The following FAM210B variants were observed in gnomAD, a reference collection of about 807,000 sequenced individuals.
The protein encoded by FAM210B is mitochondrial inner membrane scaffold 2, also known as family with sequence similarity 210 member B.
Under a neutral mutation model 14.9 loss-of-function variants are expected in FAM210B, and 11 were observed. That is an observed-to-expected ratio of 0.74 (90% CI 0.46 to 1.22). The LOEUF (loss-of-function observed/expected upper bound fraction) is 1.22, where lower values mean the gene tolerates loss of function less well. FAM210B is among the 50% of genes most tolerant of loss of function. The probability of loss-of-function intolerance (pLI) is 0.00; values close to 1 mark genes in which losing one functional copy is unlikely to be tolerated. For missense variants in FAM210B, 229 were observed against 250.1 expected, an observed-to-expected ratio of 0.92 and a Z score of 0.57; for synonymous variants, 113 against 110.2, an observed-to-expected ratio of 1.03 and a Z score of -0.16.
In FAM210B at chr20:56,366,372, G is replaced by C. The variant is rs139966147; in HGVS notation, c.*85G>C. 828 of 1,374,144 alleles carry C rather than the reference G, an allele frequency of 6.0e-4. 6 individuals are homozygous for C. In the African/African-American group the frequency reaches 0.01, roughly 17 times the overall value. The allele number at this position is 1,374,144 out of a possible 1,614,324, so 85.1% of individuals were successfully genotyped here. ...GGTTTTAGGGTTTTAGGGTTGTAGG[G>C]TTTCTTTTGGAGAGGTAGGGGGCTA... On this transcript the variant is annotated 3_prime_UTR_variant, in exon 3 of 3. Transcript: ENST00000371384.
chr20:56,364,092 T>C (rs929746393), intron 1 of FAM210B, among the ~76,000 whole-genome samples: 1 of 152,214 alleles, frequency 6.6e-6, no homozygotes, highest in African/African-American at 2.4e-5. Flanking sequence ...TAAAGGATCA[T>C]TGTCCCCAAG....
At position 56,366,255 on chromosome 20, in the gene FAM210B, G is replaced by C; in HGVS notation, c.547G>C (p.Gly183Arg). The C allele has an allele frequency of 7.4e-6, 12 of 1,614,026 alleles. No individual in the cohort carries two copies. In the South Asian group the frequency reaches 1.3e-4, roughly 18 times the overall value. ...GATTGTCAGATATTTTCGAAAAGTGGGATTTTTTAAACCTCCAGCTGCAAA... is the reference window on the plus strand; with the variant it reads ...GATTGTCAGATATTTTCGAAAAGTGCGATTTTTTAAACCTCCAGCTGCAAA... Reference protein sequence around the residue: ...PLIVRYFRKVGFFKPPAAKP With the variant: ...PLIVRYFRKVRFFKPPAAKP The change falls in exon 3 of 3, where the codon GGA becomes CGA. Residue 183 changes from glycine (G) to arginine (R), a missense_variant. Coordinates refer to ENST00000371384, the MANE Select transcript of FAM210B (RefSeq NM_080821.3).
intron 2 of FAM210B, 34 bp from the exon 3 acceptor site, chr20:56,366,035 CTG>C: frequency 6.7e-7 from 1 of 1,485,820 alleles, no homozygotes; most frequent in Non-Finnish European, 9.4e-7. Context: ...TAATCCCTTG[CTG>C]TAATAATTGT....
rs1222185757 is a variant in FAM210B at position 56,366,138 on chromosome 20, G to GC, written c.431dup (p.Ala145SerfsTer42). ...AGAGTCCCTGGTACAGTCAAAAATG[G>GC]CAGCAGGCACAAGTACCTTCGTGGT... On this transcript the variant is annotated frameshift_variant, in exon 3 of 3. Transcript: ENST00000371384. LOFTEE classifies it high-confidence loss of function. 6.2e-7 allele frequency: 1 copy of GC among 1,614,050 alleles called. No homozygotes were observed. The highest frequency in any genetic ancestry group is 2.2e-5 in the East Asian group (1 of 44,888).
In FAM210B at chr20:56,359,125, C is replaced by G. The variant is rs962635815; in HGVS notation, c.120C>G (p.Ala40=). 12 of 1,294,480 alleles carry G rather than the reference C, an allele frequency of 9.3e-6. No individual in the cohort carries two copies. In the African/African-American group the frequency reaches 1.4e-4, roughly 15 times the overall value. The allele number at this position is 1,294,480 out of a possible 1,614,324, so 80.2% of individuals were successfully genotyped here. A position where few individuals can be genotyped will look rare whatever the true frequency, so the allele number is the denominator to read the frequency against. ...APCAPPPLAL[A]LLPPRLDARL... ...GCGCCCCGCCGCCCCTGGCCCTGGC[C>G]CTGCTCCCGCCCAGGCTAGACGCCC... is the stretch of plus-strand genomic sequence containing the variant. Residue 40 remains alanine (A), a synonymous_variant, in exon 1 of 3, where the codon GCC becomes GCG. Transcript: ENST00000371384. The surrounding 1 kb of genome is among the most constrained non-coding windows in gnomAD (Gnocchi z 4.3).
intron 1 of FAM210B, among the ~76,000 whole-genome samples, chr20:56,364,264 C>T (rs1569023103): frequency 6.6e-6 from 1 of 152,192 alleles, no homozygotes; most frequent in Non-Finnish European, 1.5e-5. Flanking sequence ...GAGATGGGTC[C>T]TTCTAGGGGC....
At position 56,365,168 on chromosome 20, in the gene FAM210B, A is replaced by T; in HGVS notation, c.268A>T (p.Lys90Ter). The T allele has an allele frequency of 6.2e-7, 1 of 1,614,204 alleles. No homozygotes were observed. Among genetic ancestry groups the T allele is most frequent in the Non-Finnish European group, 8.5e-7 (1 of 1,180,028 alleles). Residue 90 changes from lysine to a stop codon, truncating the protein, a stop_gained, in exon 2 of 3, where the codon AAA becomes TAA. Coordinates refer to ENST00000371384, the MANE Select transcript of FAM210B (RefSeq NM_080821.3). LOFTEE classifies it high-confidence loss of function. Reference sequence around the variant, plus strand: ...AAAGCAAAGCAAGTCACAGCAACTGAAAAAGATTTTTCAAGAGTATGGCAC... The same window carrying T: ...AAAGCAAAGCAAGTCACAGCAACTGTAAAAGATTTTTCAAGAGTATGGCAC... ...EKKQSKSQQLKKIFQEYGTVG... is the reference protein window; with the variant it reads ...EKKQSKSQQL
chr20:56,362,979 A>T lies in FAM210B; in HGVS notation c.187-2108A>T, dbSNP rs1239147300. Among the ~76,000 whole-genome samples, 1 of 152,180 alleles carries T rather than the reference A, an allele frequency of 6.6e-6. No individual in the cohort carries two copies. The highest frequency in any genetic ancestry group is 1.5e-5 in the Non-Finnish European group (1 of 68,032). On this transcript the variant is annotated intron_variant, in intron 1 of 2. Coordinates refer to ENST00000371384, the MANE Select transcript of FAM210B (RefSeq NM_080821.3). This position sits in a 1 kb window ranked among gnomAD's most constrained non-coding sequence, Gnocchi z 4.8. ...TGTCCCCTCTGCAGCCTCCCTCAGC[A>T]GCTGGAGGTGGGTGGGGCTTGTTTA... is the stretch of plus-strand genomic sequence containing the variant.
intron 1 of FAM210B, among the ~76,000 whole-genome samples, chr20:56,364,180 CATTT>C (rs1983585361): frequency 6.6e-6 from 1 of 152,226 alleles, no homozygotes; most frequent in South Asian, 2.1e-4. Flanking sequence ...AAACAATCCA[CATTT>C]ATTATCTTAC....
At position 56,366,182 on chromosome 20, in the gene FAM210B, G is replaced by C. The variant is rs1398493319; in HGVS notation, c.474G>C (p.Lys158Asn). 6.2e-7 allele frequency: 1 copy of C among 1,614,192 alleles called. No individual in the cohort carries two copies. Among genetic ancestry groups the C allele is most frequent in the Non-Finnish European group, 8.5e-7 (1 of 1,180,056 alleles). ...TCGTGGTGGCCTATGCAATCCACAAGCTGTTTGCGCCAGTGAGAATCAGCA... is the reference window on the plus strand; with the variant it reads ...TCGTGGTGGCCTATGCAATCCACAACCTGTTTGCGCCAGTGAGAATCAGCA... ...STFVVAYAIH[K>N]LFAPVRISIT... The change falls in exon 3 of 3, where the codon AAG (lysine) becomes AAC (asparagine). Residue 158 changes from lysine (K) to asparagine (N), a missense_variant. Around this residue, in one of 3 missense-constraint regions of FAM210B, gnomAD observed 53 missense variants for 55.4 expected, o/e 0.96. Transcript: ENST00000371384.
At chr20:56,365,395 CATG>C in intron 2 of FAM210B, 133 bp downstream of exon 2, 1 of 923,932 alleles carries the variant, frequency 1.1e-6, no homozygotes, top group South Asian at 1.6e-5. Flanking sequence ...AGTGCAGTGG[CATG>C]ATCACAGCTC....
At position 56,362,422 on chromosome 20, in the gene FAM210B, G is replaced by A. The variant is rs1192027590; in HGVS notation, c.187-2665G>A. 1.3e-5 allele frequency among the ~76,000 whole-genome samples: 2 copies of A among 152,222 alleles called. No homozygotes were observed. The highest frequency in any genetic ancestry group is 2.9e-5 in the Non-Finnish European group (2 of 68,042). ...CACGCCGTCCTGTGCATTCAGGACA[G>A]TGCCTAACACATCCCGGGTACTTAC... On this transcript the variant is annotated intron_variant, in intron 1 of 2. Transcript: ENST00000371384. This position sits in a 1 kb window ranked among gnomAD's most constrained non-coding sequence, Gnocchi z 4.8.
intron 1 of FAM210B, among the ~76,000 whole-genome samples, chr20:56,361,771 G>A (rs1476466611): frequency 1.3e-5 from 2 of 152,134 alleles, no homozygotes; most frequent in Non-Finnish European, 2.9e-5. Context: ...GACGTCAGAA[G>A]CTCGAGACCA....
intron 1 of FAM210B, chr20:56,360,383 C>A: frequency 2.7e-6 from 1 of 374,424 alleles, no homozygotes; most frequent in South Asian, 1.9e-5. Flanking sequence ...CTGCACTCAT[C>A]TGGAATGGCC....
rs563510327 is a variant in FAM210B, at chr20:56,361,192, C to T, written c.186+2001C>T. ...CTTGCTCTCCCAGAGCCCCAGTGTC[C>T]TTTTGTCTCCGTCAGTTCTGGTTCC... On this transcript the variant is annotated intron_variant, in intron 1 of 2. Coordinates refer to ENST00000371384, the MANE Select transcript of FAM210B (RefSeq NM_080821.3). 2.4e-3 allele frequency among the ~76,000 whole-genome samples: 367 copies of T among 152,252 alleles called. 4 individuals carry two copies. The highest frequency in any genetic ancestry group is 8.2e-3 in the African/African-American group (341 of 41,528).
chr20:56,365,329 C>G (rs1490459973), intron 2 of FAM210B, 67 bp downstream of exon 2: 2 of 1,535,908 alleles, frequency 1.3e-6, no homozygotes, highest in African/African-American at 2.8e-5. Context: ...TGAATAAGAA[C>G]GTGTTTGCTA....
intron 1 of FAM210B, among the ~76,000 whole-genome samples, 191 bp from the exon 2 acceptor site, chr20:56,364,896 A>G (rs998096236): frequency 5.3e-5 from 8 of 152,122 alleles, no homozygotes; most frequent in African/African-American, 1.4e-4. Context: ...GGAGGTTGCA[A>G]TGAGCCACAA....
Position 56,367,807 on chromosome 20 carries a change from G to C in FAM210B, c.*1520G>C, listed in dbSNP as rs1203203913. 1 of 152,276 alleles carries C rather than the reference G, an allele frequency of 6.6e-6. No individual in the cohort carries two copies. The highest frequency in any genetic ancestry group is 1.9e-4 in the East Asian group (1 of 5,202). The allele number at this position is 152,276 out of a possible 1,614,324, so 9.4% of individuals were successfully genotyped here. A position where few individuals can be genotyped will look rare whatever the true frequency, so the allele number is the denominator to read the frequency against. On this transcript the variant is annotated 3_prime_UTR_variant, in exon 3 of 3. Transcript: ENST00000371384. The stretch of plus-strand genomic sequence containing the variant: ...ACTTGCTCCACACTCTGGGAACCCA[G>C]ATTCACCAGTCTGCCCTGTCACGTA...
At position 56,366,336 on chromosome 20, in the gene FAM210B, T is replaced by C. The variant is rs1569024475; in HGVS notation, c.*49T>C. The C allele has an allele frequency of 6.3e-7, 1 of 1,581,884 alleles. No individual in the cohort carries two copies. Among genetic ancestry groups the C allele is most frequent in the Non-Finnish European group, 8.7e-7 (1 of 1,152,898 alleles). On this transcript the variant is annotated 3_prime_UTR_variant, in exon 3 of 3. Coordinates refer to ENST00000371384, the MANE Select transcript of FAM210B (RefSeq NM_080821.3). ...GAAAACCTATTTCTTCTAAATTACATGATTTGGATTGGTTTTAGGGTTTTA... is the reference window on the plus strand; with the variant it reads ...GAAAACCTATTTCTTCTAAATTACACGATTTGGATTGGTTTTAGGGTTTTA...
Sources: gnomAD v4.1 joint callset for allele counts (sites outside exome capture counted in the v4.1 genomes callset) on GRCh38, gnomAD v4.1.1 for gene constraint, gnomAD v4.1.1 regional missense constraint, Gnocchi (gnomAD v3.1) non-coding constraint, MANE v1.5 for transcripts, NCBI Gene and HGNC (gene_info 2026-07-23, HGNC 2026-07-21) for gene names.